The following CEP57L1 variants were observed in gnomAD, a reference collection of about 807,000 sequenced individuals.
The protein encoded by CEP57L1 is centrosomal protein CEP57L1.
Under a neutral mutation model 61.0 loss-of-function variants are expected in CEP57L1, and 37 were observed. The ratio of observed to expected loss-of-function variants is 0.61; its 90% CI spans 0.47 to 0.80. CEP57L1 has a LOEUF of 0.80. Among genes scored for constraint, CEP57L1 ranks in the 30% least tolerant of loss-of-function variants. CEP57L1 has a pLI of 0.00. For synonymous variants in CEP57L1, 137 were observed against 162.3 expected (o/e 0.84, Z 1.19); for missense variants, 422 against 524.7 (o/e 0.80, Z 1.91).
In CEP57L1 at chr6:109,160,598, T is replaced by G; in HGVS notation, c.1043T>G (p.Met348Arg). 1.2e-6 allele frequency: 2 copies of G among 1,605,828 alleles called. No individual in the cohort carries two copies. Among genetic ancestry groups the G allele is most frequent in the Non-Finnish European group, 1.7e-6 (2 of 1,177,292 alleles). Residue 348 changes from methionine to arginine, a missense_variant, in exon 10 of 11, where the codon ATG (methionine) becomes AGG (arginine). Met to Arg is a moderately conservative substitution (Grantham distance 91, BLOSUM62 -1). Transcript: ENST00000517392. ...GAGCACCAAGAACTACTGAAACAAA[T>G]GAAGGAAACTGAAAGTCATTCAGTC... Reference protein sequence around the residue: ...SMEHQELLKQMKETESHSVCD... With the variant: ...SMEHQELLKQRKETESHSVCD...
At chr6:109,132,853 T>C (rs1434357567) in intron 1 of CEP57L1, among the ~76,000 whole-genome samples, 1 of 152,226 alleles carries the variant, frequency 6.6e-6, no homozygotes, top group Non-Finnish European at 1.5e-5. Context: ...TGGCTACTAC[T>C]GAGGTTGAGC....
At chr6:109,160,771 T>G (rs1773651664) in intron 10 of CEP57L1, 55 bp downstream of exon 10, 1 of 1,533,338 alleles carries the variant, frequency 6.5e-7, no homozygotes, top group Admixed American at 2.3e-5. Context: ...CTGGATTCAG[T>G]GTTGTATCTC....
intron 10 of CEP57L1, 127 bp from the exon 11 acceptor site, chr6:109,162,622 A>T: frequency 1.5e-6 from 1 of 650,734 alleles, no homozygotes; most frequent in Non-Finnish European, 2.7e-6. Context: ...TTAAAAACTT[A>T]ATGAATTGAA....
At chr6:109,112,611 G>A (rs76962071) in intron 1 of CEP57L1, among the ~76,000 whole-genome samples, 78 of 151,840 alleles carry the variant, frequency 5.1e-4, no homozygotes, top group African/African-American at 1.7e-3. Context: ...GTTAGGTGTC[G>A]AATTTTGATC....
At chr6:109,097,537 C>G (rs1167672238) in intron 1 of CEP57L1, among the ~76,000 whole-genome samples, 1 of 152,136 alleles carries the variant, frequency 6.6e-6, no homozygotes, top group Non-Finnish European at 1.5e-5. Flanking sequence ...TTCACCCACG[C>G]GTTTACTCAA....
chr6:109,148,961 G>A (rs139545852), intron 3 of CEP57L1, among the ~76,000 whole-genome samples: 20,692 of 152,108 alleles, frequency 0.14, 1,932 homozygotes, highest in Non-Finnish European at 0.21. Context: ...CTTGTTGATG[G>A]GGCTGTTTGT....
chr6:109,137,356 C>T (rs377408765), intron 1 of CEP57L1, among the ~76,000 whole-genome samples: 30 of 152,128 alleles, frequency 2.0e-4, no homozygotes, highest in African/African-American at 5.5e-4. Flanking sequence ...GGCTGGAGTG[C>T]GGTGGCCCCA....
chr6:109,115,952 T>A (rs2114663471), intron 1 of CEP57L1, among the ~76,000 whole-genome samples: 1 of 152,316 alleles, frequency 6.6e-6, no homozygotes, highest in African/African-American at 2.4e-5. Flanking sequence ...ACTATATAAG[T>A]AAGACTACAT....
At chr6:109,098,003 A>G (rs1360139717) in intron 1 of CEP57L1, among the ~76,000 whole-genome samples, 2 of 152,240 alleles carry the variant, frequency 1.3e-5, no homozygotes, top group Non-Finnish European at 2.9e-5. Flanking sequence ...CAGAGAAAGG[A>G]AGTAATGGTA....
chr6:109,140,886 A>G (rs915802089), intron 1 of CEP57L1, among the ~76,000 whole-genome samples: 2 of 151,932 alleles, frequency 1.3e-5, no homozygotes, highest in African/African-American at 4.8e-5. Context: ...GCTGGAGTGC[A>G]GCGGTGCGAT....
In CEP57L1 at chr6:109,101,854, C is replaced by T. The variant is rs1020256968; in HGVS notation, c.-4+6279C>T. Among the ~76,000 whole-genome samples, 51 of 152,156 alleles carry T rather than the reference C, an allele frequency of 3.4e-4. 1 individual carries two copies. Among genetic ancestry groups the T allele is most frequent in the African/African-American group, 1.2e-3 (49 of 41,438 alleles). On this transcript the variant is annotated intron_variant, in intron 1 of 10. Transcript: ENST00000517392. ...CAAGATGGTCTCGATCTCCTGATCT[C>T]GTGATCCGCCCGCCTCGGCCTCCCA... is the stretch of plus-strand genomic sequence containing the variant.
rs1278809393 is a variant in CEP57L1 at position 109,164,091 on chromosome 6, A to G, written c.*1121A>G. Among the ~76,000 whole-genome samples the G allele has an allele frequency of 1.3e-5, 2 of 152,178 alleles. No homozygotes were observed. The highest frequency in any genetic ancestry group is 4.8e-5 in the African/African-American group (2 of 41,448). On this transcript the variant is annotated 3_prime_UTR_variant, in exon 11 of 11. Coordinates refer to ENST00000517392, the MANE Select transcript of CEP57L1 (RefSeq NM_001271852.3). ...TTTAAGAGATGGTGATTCCTAAGGGACAGAGTTGGAAGTACATATTTACTG... is the reference window on the plus strand; with the variant it reads ...TTTAAGAGATGGTGATTCCTAAGGGGCAGAGTTGGAAGTACATATTTACTG...
chr6:109,153,134 A>G (rs1319223497), intron 4 of CEP57L1, among the ~76,000 whole-genome samples: 1 of 151,424 alleles, frequency 6.6e-6, no homozygotes, highest in Non-Finnish European at 1.5e-5. Flanking sequence ...AAGAAAAGAA[A>G]AGAAAAGTTT....
intron 1 of CEP57L1, among the ~76,000 whole-genome samples, chr6:109,106,505 C>T (rs1247651009): frequency 6.6e-6 from 1 of 151,992 alleles, no homozygotes; most frequent in Non-Finnish European, 1.5e-5. Flanking sequence ...AATTAGTATT[C>T]CATTTATTAA....
intron 7 of CEP57L1, chr6:109,157,635 C>T (rs924318526): frequency 6.6e-6 from 1 of 151,962 alleles, no homozygotes; most frequent in Admixed American, 6.6e-5. Context: ...AGTAATAGTC[C>T]AGTAGTGGGG....
At chr6:109,125,513 T>C (rs1037320215) in intron 1 of CEP57L1, among the ~76,000 whole-genome samples, 2 of 143,000 alleles carry the variant, frequency 1.4e-5, no homozygotes, top group Non-Finnish European at 3.0e-5. Context: ...TATATACATA[T>C]ATATATATAT....
At position 109,171,061 on chromosome 6, in the gene CEP57L1, A is replaced by T. The variant is rs1369087514; in HGVS notation, c.*8091A>T. Reference sequence around the variant, plus strand: ...ATTACATTCTTGATTCTCTCAAGGTATGATTTAAATGGTGGACACTTAAGC... The same window carrying T: ...ATTACATTCTTGATTCTCTCAAGGTTTGATTTAAATGGTGGACACTTAAGC... On this transcript the variant is annotated 3_prime_UTR_variant, in exon 11 of 11. Transcript: ENST00000517392. Among the ~76,000 whole-genome samples, 4 of 152,124 alleles carry T rather than the reference A, an allele frequency of 2.6e-5. No individual in the cohort carries two copies. Among genetic ancestry groups the T allele is most frequent in the African/African-American group, 9.7e-5 (4 of 41,384 alleles).
In CEP57L1 at chr6:109,159,115, A is replaced by C; in HGVS notation, c.822+13A>C. 1.9e-6 allele frequency: 3 copies of C among 1,614,084 alleles called. No homozygotes were observed. Among genetic ancestry groups the C allele is most frequent in the Non-Finnish European group, 2.5e-6 (3 of 1,179,970 alleles). On this transcript the variant is annotated intron_variant, in intron 8 of 10. Coordinates refer to ENST00000517392, the MANE Select transcript of CEP57L1 (RefSeq NM_001271852.3). ...TGTGGCTGAAAAGGTGAGAGGGGAT[A>C]AAATGAAGATAGTCGTTCAAAAAAA... is the stretch of plus-strand genomic sequence containing the variant.
chr6:109,103,010 A>G (rs1041263298), intron 1 of CEP57L1, among the ~76,000 whole-genome samples: 7 of 152,148 alleles, frequency 4.6e-5, no homozygotes, highest in Admixed American at 1.3e-4. Flanking sequence ...TTATTCTCCA[A>G]TTGAATTACC....
Sources: allele counts gnomAD v4.1 joint callset (sites outside exome capture counted in the v4.1 genomes callset), GRCh38; gene constraint gnomAD v4.1.1; transcripts MANE v1.5; gene names NCBI Gene and HGNC (gene_info 2026-07-23, HGNC 2026-07-21).